Variants in HELZ observed in about 807,000 individuals in gnomAD.
HELZ encodes the protein ATP-dependent RNA helicase with zinc finger domain.
In HELZ, 23 loss-of-function variants were observed where a neutral mutation model predicts 218.2. That is an observed-to-expected ratio of 0.11 (90% CI 0.08 to 0.15). HELZ has a LOEUF of 0.15. Among genes scored for constraint, HELZ ranks in the 10% least tolerant of loss-of-function variants. HELZ has a pLI of 1.00. For missense variants in HELZ, 1,813 were observed against 2,353.7 expected (o/e 0.77, Z 4.75); for synonymous variants, 814 against 829.4 (o/e 0.98, Z 0.32).
intron 23 of HELZ, among the ~76,000 whole-genome samples, chr17:67,132,251 C>T (rs1377221243): frequency 7.3e-6 from 1 of 137,296 alleles, no homozygotes; most frequent in Admixed American, 6.8e-5. Context: ...TGTGTGTACA[C>T]AAATATACAT....
At chr17:67,123,916 TCTTA>T in intron 25 of HELZ, 43 bp downstream of exon 25, 1 of 1,379,290 alleles carries the variant, frequency 7.3e-7, no homozygotes, top group South Asian at 1.2e-5. Flanking sequence ...GGGGAAAATC[TCTTA>T]CATCATAAAA....
Position 67,195,486 on chromosome 17 carries a change from T to G in HELZ, c.430-16A>C, listed in dbSNP as rs139127324. The G allele has an allele frequency of 4.1e-5, 63 of 1,545,706 alleles. No homozygotes were observed. The African/African-American group carries it at 7.7e-4, about 19-fold the overall frequency. On this transcript the variant is annotated splice_polypyrimidine_tract_variant and intron_variant, in intron 7 of 32. Transcript: ENST00000358691. The stretch of plus-strand genomic sequence containing the variant: ...TAGTTGCTGTCTGCAATTTTCCAAA[T>G]GAAAGAATTTTTTAAACAAGAATAA...
chr17:67,221,786 A>G (rs1411963687), intron 3 of HELZ, among the ~76,000 whole-genome samples: 3 of 151,504 alleles, frequency 2.0e-5, no homozygotes, highest in Non-Finnish European at 2.9e-5. Context: ...TGTCTCTAAA[A>G]TTCCTTATTT....
chr17:67,170,598 G>A lies in HELZ; in HGVS notation c.1431-2802C>T, dbSNP rs530092639. 5.3e-5 allele frequency among the ~76,000 whole-genome samples: 8 copies of A among 151,964 alleles called. No homozygotes were observed. In the East Asian group the frequency reaches 5.8e-4, roughly 11 times the overall value. The stretch of plus-strand genomic sequence containing the variant: ...TCCCAGCACTTTGGGAGGCCGAGGC[G>A]GGAAGATCACTTGAGGTCAGGAGTT... On this transcript the variant is annotated intron_variant, in intron 13 of 32. Coordinates refer to ENST00000358691, the MANE Select transcript of HELZ (RefSeq NM_014877.4).
Position 67,128,809 on chromosome 17 carries a change from G to A in HELZ, c.3229C>T (p.Leu1077=), listed in dbSNP as rs762972799. ...ATCTGTTCAAAAGTGATTCCATGTA[G>A]GCTACTGTTTTCATGACACAGGGCA... ...FIALCHENSS[L]HGITFEQIKA... The change falls in exon 24 of 33, where the codon CTA becomes TTA. Residue 1077 remains leucine (L), a synonymous_variant. Transcript: ENST00000358691. 6 of 1,613,962 alleles carry A rather than the reference G, an allele frequency of 3.7e-6. No homozygotes were observed.
In HELZ at chr17:67,213,546, T is replaced by C. The variant is rs566303529; in HGVS notation, c.247+2353A>G. Among the ~76,000 whole-genome samples the C allele has an allele frequency of 9.2e-5, 14 of 152,152 alleles. No individual in the cohort carries two copies. The South Asian group carries it at 1.0e-3, about 11-fold the overall frequency. On this transcript the variant is annotated intron_variant, in intron 5 of 32. Transcript: ENST00000358691. The stretch of plus-strand genomic sequence containing the variant: ...CTGAGGCAGGAGAATCACTTGAACC[T>C]GGGAGACGGAGGTCACAGTGACCCG...
At chr17:67,107,744 G>A in intron 30 of HELZ, 59 bp from the exon 31 acceptor site, 1 of 1,470,056 alleles carries the variant, frequency 6.8e-7, no homozygotes, top group South Asian at 1.3e-5. Context: ...ATTAAGGAAA[G>A]CTTAGTCAAC....
chr17:67,209,042 A>C (rs886993548), intron 5 of HELZ, among the ~76,000 whole-genome samples: 1 of 42,618 alleles, frequency 2.3e-5, no homozygotes, highest in African/African-American at 9.5e-5. Flanking sequence ...GAAGGGAGGG[A>C]GGGAGGGAGG....
chr17:67,172,974 A>G, intron 13 of HELZ: 1 of 769,314 alleles, frequency 1.3e-6, no homozygotes, highest in South Asian at 5.9e-5. Flanking sequence ...CTTGATCACA[A>G]TTTAGCAGGC....
At chr17:67,118,552 A>G (rs896286288) in intron 27 of HELZ, among the ~76,000 whole-genome samples, 8 of 152,088 alleles carry the variant, frequency 5.3e-5, no homozygotes, top group African/African-American at 1.7e-4. Flanking sequence ...TTTGAAAGAT[A>G]CTGTTAAGAA....
At chr17:67,153,297 G>C (rs1440896816) in intron 17 of HELZ, among the ~76,000 whole-genome samples, 1 of 152,194 alleles carries the variant, frequency 6.6e-6, no homozygotes, top group Non-Finnish European at 1.5e-5. Flanking sequence ...TCGTTCACAA[G>C]AGGAGAGGTT....
At chr17:67,110,672 C>T (rs749306091) in intron 28 of HELZ, among the ~76,000 whole-genome samples, 2 of 152,126 alleles carry the variant, frequency 1.3e-5, no homozygotes, top group South Asian at 4.1e-4. Flanking sequence ...ATGCCATTTC[C>T]GGCTCACCAG....
At chr17:67,184,824 T>C (rs11656218) in intron 12 of HELZ, among the ~76,000 whole-genome samples, 59,453 of 134,400 alleles carry the variant, frequency 0.44, 13,097 homozygotes, top group Non-Finnish European at 0.52. Context: ...TCTAAACAAA[T>C]AAATAAATAA....
chr17:67,130,648 T>C (rs1049625298), intron 23 of HELZ, among the ~76,000 whole-genome samples: 2 of 152,166 alleles, frequency 1.3e-5, no homozygotes, highest in Non-Finnish European at 1.5e-5. Flanking sequence ...CTATCTTATA[T>C]AGCACTCAGG....
chr17:67,245,331 G>C, upstream of HELZ: 1 of 733,390 alleles, frequency 1.4e-6, no homozygotes, highest in Non-Finnish European at 1.7e-6. Context: ...GCCGACCCCG[G>C]CGCCCGCAGC....
chr17:67,117,339 C>T (rs1355381022), intron 27 of HELZ, among the ~76,000 whole-genome samples: 2 of 152,046 alleles, frequency 1.3e-5, no homozygotes, highest in East Asian at 3.8e-4. Context: ...TAGAAAATCA[C>T]CAATAATCAG....
intron 3 of HELZ, among the ~76,000 whole-genome samples, chr17:67,234,058 A>AG (rs2041110965): frequency 4.0e-5 from 6 of 150,900 alleles, no homozygotes; most frequent in Non-Finnish European, 1.5e-5. Flanking sequence ...AAAAAAAAAA[A>AG]AAGAGAGAGA....
intron 31 of HELZ, among the ~76,000 whole-genome samples, chr17:67,094,681 T>G (rs1378551762): frequency 6.6e-6 from 1 of 152,146 alleles, no homozygotes; most frequent in African/African-American, 2.4e-5. Flanking sequence ...GCCCAGCTAC[T>G]TGGGAGGCTG....
chr17:67,129,676 T>C (rs997479151), intron 23 of HELZ, among the ~76,000 whole-genome samples: 3 of 152,172 alleles, frequency 2.0e-5, no homozygotes, highest in African/African-American at 7.2e-5. Context: ...AATTTTAATG[T>C]TGATTATTCA....
Sources: allele counts gnomAD v4.1 joint callset (sites outside exome capture counted in the v4.1 genomes callset), GRCh38; gene constraint gnomAD v4.1.1; transcripts MANE v1.5; gene names NCBI Gene and HGNC (gene_info 2026-07-23, HGNC 2026-07-21).